The following FOXP2 variants were observed in gnomAD, a reference collection of about 807,000 sequenced individuals.
FOXP2 encodes the protein forkhead box protein P2.
A neutral mutation model predicts 115.8 loss-of-function variants in FOXP2; 12 were observed. The observed-to-expected ratio is 0.10, with a 90% CI of 0.07 to 0.17. FOXP2 has a LOEUF of 0.17. Ranked by LOEUF, FOXP2 falls within the 10% of genes least tolerant of loss-of-function variation. The pLI, the probability that FOXP2 is intolerant of heterozygous loss-of-function variation, is 1.00. For missense variants in FOXP2, 629 were observed against 843.5 expected (o/e 0.75, Z 3.15); for synonymous variants, 328 against 297.7 (o/e 1.10, Z -1.05).
chr7:114,443,320 G>C (rs1030470487), intron 2 of FOXP2, among the ~76,000 whole-genome samples: 1 of 152,006 alleles, frequency 6.6e-6, no homozygotes, highest in African/African-American at 2.4e-5. Flanking sequence ...TACAAAAAAG[G>C]CACATGCGAT....
intron 1 of FOXP2, among the ~76,000 whole-genome samples, chr7:114,185,453 G>T (rs373522841): frequency 1.6e-4 from 25 of 152,264 alleles, no homozygotes; most frequent in South Asian, 8.3e-4. Context: ...TCAAAGGGTT[G>T]TTATGGAAAT....
intron 2 of FOXP2, among the ~76,000 whole-genome samples, chr7:114,514,429 G>A (rs910731277): frequency 6.6e-6 from 1 of 151,182 alleles, no homozygotes; most frequent in South Asian, 2.1e-4. Context: ...TATCCCCCTA[G>A]CCTCTGGTAA....
chr7:114,287,360 C>T (rs1796492181), intron 1 of FOXP2, among the ~76,000 whole-genome samples: 1 of 151,918 alleles, frequency 6.6e-6, no homozygotes, highest in South Asian at 2.1e-4. Flanking sequence ...CAAGACTGAG[C>T]TATATAGTAC....
intron 1 of FOXP2, among the ~76,000 whole-genome samples, chr7:114,099,342 A>G (rs1029636984): frequency 2.6e-5 from 4 of 152,222 alleles, no homozygotes; most frequent in African/African-American, 9.6e-5. Flanking sequence ...CACACCTGTT[A>G]GTATGGCTAC....
At chr7:114,239,255 A>G (rs1467723759) in intron 1 of FOXP2, among the ~76,000 whole-genome samples, 2 of 152,034 alleles carry the variant, frequency 1.3e-5, no homozygotes, top group East Asian at 3.9e-4. Context: ...GTCATTCAGT[A>G]GTAAATGTAA....
intron 3 of FOXP2, among the ~76,000 whole-genome samples, chr7:114,571,941 T>C (rs1016841551): frequency 7.9e-5 from 12 of 151,764 alleles, no homozygotes; most frequent in East Asian, 3.9e-4. Context: ...TATTTCTAAA[T>C]TGACTCAGCC....
intron 1 of FOXP2, among the ~76,000 whole-genome samples, chr7:114,131,822 A>G (rs1316302602): frequency 6.6e-6 from 1 of 152,190 alleles, no homozygotes; most frequent in Non-Finnish European, 1.5e-5. Flanking sequence ...TCATTCACAT[A>G]GGGTAGTTAT....
At chr7:114,321,142 C>T (rs1797409336) in intron 2 of FOXP2, among the ~76,000 whole-genome samples, 1 of 151,652 alleles carries the variant, frequency 6.6e-6, no homozygotes, top group Non-Finnish European at 1.5e-5. Flanking sequence ...TAACAAGGAG[C>T]CTCGCTATTC....
At chr7:114,598,296 A>G (rs1802833233) in intron 3 of FOXP2, among the ~76,000 whole-genome samples, 2 of 151,930 alleles carry the variant, frequency 1.3e-5, no homozygotes, top group African/African-American at 4.8e-5. Flanking sequence ...TCATATTTAG[A>G]TATGTCTATA....
intron 2 of FOXP2, among the ~76,000 whole-genome samples, chr7:114,314,126 T>C (rs933925400): frequency 6.6e-6 from 1 of 151,942 alleles, no homozygotes; most frequent in Non-Finnish European, 1.5e-5. Flanking sequence ...TGTACGTGTA[T>C]TTGAGTTCTC....
chr7:114,680,496 A>T (rs1307261294), intron 16 of FOXP2, among the ~76,000 whole-genome samples: 2 of 152,182 alleles, frequency 1.3e-5, no homozygotes, highest in African/African-American at 2.4e-5. Context: ...TCTATCTGTG[A>T]CCTTCTATGG....
At chr7:114,249,927 T>C (rs1021435444) in intron 1 of FOXP2, among the ~76,000 whole-genome samples, 3 of 151,814 alleles carry the variant, frequency 2.0e-5, no homozygotes, top group African/African-American at 7.3e-5. Context: ...TAGGTATATC[T>C]CCTAATGCTA....
intron 1 of FOXP2, among the ~76,000 whole-genome samples, chr7:114,216,559 ATT>A (rs1438310709): frequency 6.6e-6 from 1 of 152,096 alleles, no homozygotes; most frequent in Non-Finnish European, 1.5e-5. Flanking sequence ...CTTCACTGCA[ATT>A]TTGGTTTCTA....
At chr7:114,553,451 C>G (rs764781628) in intron 3 of FOXP2, among the ~76,000 whole-genome samples, 46 of 152,176 alleles carry the variant, frequency 3.0e-4, no homozygotes, top group Non-Finnish European at 5.7e-4. Flanking sequence ...ACTTCAACAT[C>G]ACTTAAACAC....
Position 114,527,294 on chromosome 7 carries a change from T to G in FOXP2, c.169-7323T>G, listed in dbSNP as rs74356162. Among the ~76,000 whole-genome samples the G allele has an allele frequency of 4.6e-5, 7 of 152,180 alleles. No homozygotes were observed. The East Asian group carries it at 1.4e-3, about 29-fold the overall frequency. On this transcript the variant is annotated intron_variant, in intron 2 of 16. Coordinates refer to ENST00000350908, the MANE Select transcript of FOXP2 (RefSeq NM_014491.4). ...TTCAACTTTTTGTGGGAATGTAAGT[T>G]TTTTTTTCTCTTGGGTATATATTGT... is the stretch of plus-strand genomic sequence containing the variant.
chr7:114,119,519 T>C (rs1007019485), intron 1 of FOXP2, among the ~76,000 whole-genome samples: 10 of 152,124 alleles, frequency 6.6e-5, no homozygotes, highest in East Asian at 3.9e-4. Flanking sequence ...AGTGGGAGGA[T>C]TGCTTGAGCC....
At chr7:114,635,489 T>G (rs1242202183) in intron 6 of FOXP2, among the ~76,000 whole-genome samples, 1 of 152,180 alleles carries the variant, frequency 6.6e-6, no homozygotes. Flanking sequence ...AATTGAAGTT[T>G]TAATGTACAT....
intron 8 of FOXP2, among the ~76,000 whole-genome samples, chr7:114,650,776 C>T (rs1280117797): frequency 1.3e-5 from 2 of 151,930 alleles, no homozygotes; most frequent in Admixed American, 1.3e-4. Context: ...TTCAGCTTGA[C>T]CTTATCCACC....
At chr7:114,615,782 C>G (rs1481509079) in intron 3 of FOXP2, among the ~76,000 whole-genome samples, 2 of 152,302 alleles carry the variant, frequency 1.3e-5, no homozygotes, top group East Asian at 3.9e-4. Flanking sequence ...TTCATCTCCA[C>G]CTAATTCCCC....
Sources: gnomAD v4.1 joint callset for allele counts (sites outside exome capture counted in the v4.1 genomes callset) on GRCh38, gnomAD v4.1.1 for gene constraint, MANE v1.5 for transcripts, NCBI Gene and HGNC (gene_info 2026-07-23, HGNC 2026-07-21) for gene names.